Variants in TRDN observed in about 807,000 individuals in gnomAD.
TRDN encodes the protein triadin.
Under a neutral mutation model 149.7 loss-of-function variants are expected in TRDN, and 161 were observed. The observed-to-expected ratio is 1.08, with a 90% CI of 0.95 to 1.23. The LOEUF is 1.23. TRDN is among the 50% of genes most tolerant of loss of function. The pLI, the probability that TRDN is intolerant of heterozygous loss-of-function variation, is 0.00. For missense variants in TRDN, 896 were observed against 823.5 expected (o/e 1.09, Z -1.08); for synonymous variants, 294 against 250.5 (o/e 1.17, Z -1.64).
At chr6:123,525,057 A>C (rs1312213547) in intron 5 of TRDN, among the ~76,000 whole-genome samples, 4 of 152,132 alleles carry the variant, frequency 2.6e-5, no homozygotes, top group Non-Finnish European at 5.9e-5. Context: ...CAAAAACAAC[A>C]GATGTCATGG....
intron 24 of TRDN, among the ~76,000 whole-genome samples, chr6:123,314,363 T>G (rs373158855): frequency 6.6e-6 from 1 of 151,996 alleles, no homozygotes; most frequent in African/African-American, 2.4e-5. Context: ...CCGATGAGGT[T>G]GTGGAGAAAA....
At chr6:123,538,142 G>T (rs1780641662) in intron 4 of TRDN, among the ~76,000 whole-genome samples, 1 of 151,996 alleles carries the variant, frequency 6.6e-6, no homozygotes, top group African/African-American at 2.4e-5. Flanking sequence ...GTATTTCAAA[G>T]AATGCCTCTC....
rs1205728281 is a variant in TRDN, at chr6:123,636,941, C to T, written c.-166G>A. ...TTCTTTGTTGTCCTGTTGAACTTTG[C>T]CTCTCCTCTGCAGAGTTCTCCCCCT... On this transcript the variant is annotated 5_prime_UTR_variant, in exon 1 of 41. Transcript: ENST00000334268. The T allele has an allele frequency of 2.7e-6, 2 of 730,028 alleles. No individual in the cohort carries two copies. The highest frequency in any genetic ancestry group is 2.3e-6 in the Non-Finnish European group (1 of 433,648). 45.2% of individuals were successfully genotyped at this position (730,028 alleles called of 1,614,324 possible).
intron 4 of TRDN, among the ~76,000 whole-genome samples, chr6:123,539,423 C>T (rs996559166): frequency 1.5e-4 from 23 of 152,286 alleles, no homozygotes; most frequent in Admixed American, 4.6e-4. Context: ...TATGGCATCA[C>T]AGTTTAATCA....
chr6:123,502,396 T>C, intron 8 of TRDN: 2 of 627,982 alleles, frequency 3.2e-6, no homozygotes, highest in Non-Finnish European at 4.0e-6. Context: ...AGCTCCTAAG[T>C]TTTAATATGA....
At chr6:123,549,565 A>G (rs1467902532) in intron 2 of TRDN, among the ~76,000 whole-genome samples, 1 of 152,070 alleles carries the variant, frequency 6.6e-6, no homozygotes, top group Non-Finnish European at 1.5e-5. Context: ...AATGTATTAT[A>G]CTACCTAAAG....
chr6:123,352,023 A>C, intron 21 of TRDN: 1 of 977,908 alleles, frequency 1.0e-6, no homozygotes, highest in Non-Finnish European at 1.2e-6. Flanking sequence ...ATAACACTGA[A>C]ATTTCAGACC....
intron 35 of TRDN, among the ~76,000 whole-genome samples, chr6:123,258,462 G>T (rs112421859): frequency 4.5e-4 from 68 of 152,270 alleles, no homozygotes; most frequent in African/African-American, 1.3e-3. Flanking sequence ...GGTTGAACCA[G>T]CCTTGCATCC....
intron 21 of TRDN, among the ~76,000 whole-genome samples, chr6:123,339,204 C>T (rs2114740760): frequency 6.6e-6 from 1 of 152,054 alleles, no homozygotes; most frequent in African/African-American, 2.4e-5. Context: ...AGGTTTTCAC[C>T]ATACTAGCCA....
chr6:123,325,464 T>C (rs1245804370), intron 23 of TRDN, among the ~76,000 whole-genome samples: 1 of 152,164 alleles, frequency 6.6e-6, no homozygotes, highest in Admixed American at 6.5e-5. Context: ...TTCTAATATT[T>C]CGTAGAGGAG....
intron 33 of TRDN, among the ~76,000 whole-genome samples, chr6:123,262,239 T>C (rs1776797198): frequency 6.6e-6 from 1 of 152,030 alleles, no homozygotes; most frequent in Admixed American, 6.6e-5. Flanking sequence ...TGAGGACATA[T>C]ATTATGTGCT....
intron 5 of TRDN, among the ~76,000 whole-genome samples, chr6:123,520,702 A>G (rs912261007): frequency 6.6e-6 from 1 of 152,180 alleles, no homozygotes; most frequent in African/African-American, 2.4e-5. Context: ...TTCAAATTCA[A>G]TTTAAATGTA....
intron 2 of TRDN, among the ~76,000 whole-genome samples, chr6:123,565,446 T>A (rs951492522): frequency 1.3e-5 from 2 of 152,210 alleles, no homozygotes; most frequent in Non-Finnish European, 2.9e-5. Flanking sequence ...GCTCCCCATT[T>A]CACTCTCACA....
At chr6:123,339,926 G>C (rs1780006777) in intron 21 of TRDN, among the ~76,000 whole-genome samples, 1 of 151,992 alleles carries the variant, frequency 6.6e-6, no homozygotes. Context: ...TTAAAATACA[G>C]ATTATGATCA....
intron 38 of TRDN, among the ~76,000 whole-genome samples, chr6:123,229,927 T>G (rs1276488261): frequency 2.6e-5 from 4 of 152,002 alleles, no homozygotes; most frequent in African/African-American, 9.7e-5. Context: ...CTTATCTTGG[T>G]TCTACATTTT....
At chr6:123,623,092 C>T (rs1785479475) in intron 1 of TRDN, among the ~76,000 whole-genome samples, 1 of 152,070 alleles carries the variant, frequency 6.6e-6, no homozygotes, top group South Asian at 2.1e-4. Context: ...TCACCTTTCA[C>T]TGATTTTTCT....
intron 12 of TRDN, among the ~76,000 whole-genome samples, chr6:123,410,930 A>G (rs1380372361): frequency 6.6e-6 from 1 of 152,014 alleles, no homozygotes; most frequent in Non-Finnish European, 1.5e-5. Context: ...GCATTTTGAA[A>G]ATTATTATAC....
Position 123,381,404 on chromosome 6 carries a change from A to G in TRDN, c.1166-14T>C. 1.9e-6 allele frequency: 3 copies of G among 1,554,822 alleles called. No individual in the cohort carries two copies. Among genetic ancestry groups the G allele is most frequent in the South Asian group, 2.4e-5 (2 of 84,324 alleles). ...TGGGTTGTTCTACTGAAAGAAATACAAACAAAATCATTGCTCTTAAAACTT... is the reference window on the plus strand; with the variant it reads ...TGGGTTGTTCTACTGAAAGAAATACGAACAAAATCATTGCTCTTAAAACTT... On this transcript the variant is annotated splice_polypyrimidine_tract_variant and intron_variant, in intron 15 of 40. Coordinates refer to ENST00000334268, the MANE Select transcript of TRDN (RefSeq NM_006073.4).
chr6:123,300,986 A>G (rs1035384177), intron 24 of TRDN, among the ~76,000 whole-genome samples: 2 of 151,996 alleles, frequency 1.3e-5, no homozygotes, highest in Non-Finnish European at 2.9e-5. Flanking sequence ...ATTCAAATAC[A>G]TTAACTGGGC....
Sources: allele counts gnomAD v4.1 joint callset (sites outside exome capture counted in the v4.1 genomes callset), GRCh38; gene constraint gnomAD v4.1.1; transcripts MANE v1.5; gene names NCBI Gene and HGNC (gene_info 2026-07-23, HGNC 2026-07-21).